Variants in ADAMTSL1 observed in about 807,000 individuals in gnomAD.
The protein encoded by ADAMTSL1 is ADAMTS like 1, also known as ADAMTS-like protein 1.
In ADAMTSL1, 126 loss-of-function variants were observed where a neutral mutation model predicts 201.8. The observed-to-expected ratio is 0.62, with a 90% CI of 0.54 to 0.72. ADAMTSL1 has a LOEUF of 0.72. Ranked by LOEUF, ADAMTSL1 falls within the 30% of genes least tolerant of loss-of-function variation. The pLI is 0.00. For missense variants in ADAMTSL1, 2,679 were observed against 2,277.8 expected, an observed-to-expected ratio of 1.18 and a Z score of -3.59; for synonymous variants, 1,121 against 903.4, an observed-to-expected ratio of 1.24 and a Z score of -4.32.
intron 2 of ADAMTSL1, among the ~76,000 whole-genome samples, chr9:18,355,501 A>G (rs1195475863): frequency 6.6e-6 from 1 of 152,160 alleles, no homozygotes; most frequent in African/African-American, 2.4e-5. Context: ...TTTTCAAATG[A>G]GAAGTTTCTA....
At chr9:18,211,115 C>T (rs1829855341) in intron 2 of ADAMTSL1, among the ~76,000 whole-genome samples, 1 of 152,080 alleles carries the variant, frequency 6.6e-6, no homozygotes, top group Non-Finnish European at 1.5e-5. Flanking sequence ...TTTAATGGTC[C>T]CAAATTTTTA....
At chr9:18,214,852 A>G (rs1023999178) in intron 2 of ADAMTSL1, among the ~76,000 whole-genome samples, 1 of 152,228 alleles carries the variant, frequency 6.6e-6, no homozygotes, top group Non-Finnish European at 1.5e-5. Context: ...CATGCACTCT[A>G]TAATGGGAAA....
intron 2 of ADAMTSL1, among the ~76,000 whole-genome samples, chr9:18,418,765 C>G (rs981059316): frequency 6.6e-6 from 1 of 152,062 alleles, no homozygotes; most frequent in Non-Finnish European, 1.5e-5. Flanking sequence ...ATGTTAATTC[C>G]CCACAAATTG....
chr9:18,167,143 G>T (rs765669953), intron 2 of ADAMTSL1, among the ~76,000 whole-genome samples: 1 of 151,864 alleles, frequency 6.6e-6, no homozygotes, highest in Non-Finnish European at 1.5e-5. Flanking sequence ...GCTTTTATTC[G>T]TTATTGAAAT....
chr9:18,413,223 G>T (rs1470199623), intron 2 of ADAMTSL1, among the ~76,000 whole-genome samples: 2 of 66,716 alleles, frequency 3.0e-5, no homozygotes, highest in Non-Finnish European at 5.2e-5. Context: ...ATCTTGGCTT[G>T]CTGCAATCTT....
At chr9:18,025,642 T>C (rs62553123) in intron 1 of ADAMTSL1, among the ~76,000 whole-genome samples, 2,686 of 152,252 alleles carry the variant, frequency 0.018, 54 homozygotes, top group South Asian at 0.081. Flanking sequence ...CCATGCTGTT[T>C]TGGTTACTGT....
chr9:18,257,055 C>CA (rs1305352793), intron 2 of ADAMTSL1, among the ~76,000 whole-genome samples: 4 of 151,954 alleles, frequency 2.6e-5, no homozygotes, highest in Non-Finnish European at 5.9e-5. Context: ...TAAATTCATC[C>CA]AAAAAATAAG....
chr9:18,197,382 A>G (rs1829226218), intron 2 of ADAMTSL1, among the ~76,000 whole-genome samples: 1 of 144,888 alleles, frequency 6.9e-6, no homozygotes. Context: ...TTCTCCTTGA[A>G]GAGGTCCTTC....
At chr9:18,090,334 A>G (rs1823953744) in intron 1 of ADAMTSL1, among the ~76,000 whole-genome samples, 1 of 152,216 alleles carries the variant, frequency 6.6e-6, no homozygotes. Flanking sequence ...AATAGCCAAA[A>G]CAGGAAAGCA....
chr9:18,604,702 T>G (rs1333262395), intron 4 of ADAMTSL1, among the ~76,000 whole-genome samples: 3 of 152,212 alleles, frequency 2.0e-5, no homozygotes, highest in African/African-American at 7.2e-5. Context: ...TATTGTGAAT[T>G]ATGCTGCTGT....
chr9:17,918,501 T>A (rs1307766615), intron 1 of ADAMTSL1, among the ~76,000 whole-genome samples: 2 of 151,958 alleles, frequency 1.3e-5, no homozygotes, highest in African/African-American at 4.8e-5. Flanking sequence ...TGACACACTT[T>A]ATGTCACTTG....
At chr9:17,974,429 G>A (rs553711931) in intron 1 of ADAMTSL1, among the ~76,000 whole-genome samples, 1 of 151,934 alleles carries the variant, frequency 6.6e-6, no homozygotes, top group Non-Finnish European at 1.5e-5. Context: ...CTGCAATACG[G>A]TGTAAATGTA....
At chr9:18,686,608 A>T (rs1830855878) in intron 13 of ADAMTSL1, among the ~76,000 whole-genome samples, 1 of 152,220 alleles carries the variant, frequency 6.6e-6, no homozygotes, top group East Asian at 1.9e-4. Context: ...GAAACCAGTT[A>T]TGTTTTATTT....
intron 1 of ADAMTSL1, among the ~76,000 whole-genome samples, chr9:18,024,004 C>T (rs761972716): frequency 3.3e-5 from 5 of 151,898 alleles, no homozygotes; most frequent in Non-Finnish European, 7.4e-5. Flanking sequence ...AATGTCTCCT[C>T]ATCTTTTTAT....
At chr9:18,155,632 A>G (rs1403106291) in intron 1 of ADAMTSL1, among the ~76,000 whole-genome samples, 3 of 152,062 alleles carry the variant, frequency 2.0e-5, no homozygotes, top group Non-Finnish European at 2.9e-5. Context: ...TTCTTCTTCC[A>G]TGTGGCCTAG....
At chr9:18,734,473 G>A (rs927216392) in intron 15 of ADAMTSL1, among the ~76,000 whole-genome samples, 1 of 152,160 alleles carries the variant, frequency 6.6e-6, no homozygotes, top group African/African-American at 2.4e-5. Flanking sequence ...AGAAAATCCA[G>A]CACAGCTCAG....
At chr9:18,579,343 G>A (rs1468620292) in intron 4 of ADAMTSL1, among the ~76,000 whole-genome samples, 5 of 131,416 alleles carry the variant, frequency 3.8e-5, no homozygotes, top group South Asian at 2.9e-4. Flanking sequence ...TGGGGACTGT[G>A]GTGGGGAGGG....
chr9:17,983,758 A>T (rs916067513), intron 1 of ADAMTSL1, among the ~76,000 whole-genome samples: 3 of 152,124 alleles, frequency 2.0e-5, no homozygotes, highest in African/African-American at 7.2e-5. Flanking sequence ...GATTAGTTTT[A>T]TTGGGATTAA....
chr9:18,773,868 G>A (rs144142966), intron 17 of ADAMTSL1, among the ~76,000 whole-genome samples: 35 of 152,134 alleles, frequency 2.3e-4, no homozygotes, highest in East Asian at 1.4e-3. Context: ...TGGATTTAGC[G>A]CTGTCATTTA....
Sources: gnomAD v4.1 joint callset for allele counts (sites outside exome capture counted in the v4.1 genomes callset) on GRCh38, gnomAD v4.1.1 for gene constraint, MANE v1.5 for transcripts, NCBI Gene and HGNC (gene_info 2026-07-23, HGNC 2026-07-21) for gene names.